PCDH15: variants seen among roughly 807,000 people sequenced by gnomAD.
PCDH15 encodes the protein protocadherin-15.
A neutral mutation model predicts 178.5 loss-of-function variants in PCDH15; 129 were observed. The ratio of observed to expected loss-of-function variants is 0.72; its 90% CI spans 0.63 to 0.84. PCDH15 has a LOEUF of 0.84. Ranked by LOEUF, PCDH15 falls within the 40% of genes least tolerant of loss-of-function variation. The pLI is 0.00. For missense variants in PCDH15, 2,230 were observed against 2,099.9 expected, an observed-to-expected ratio of 1.06 and a Z score of -1.21; for synonymous variants, 800 against 732.0, an observed-to-expected ratio of 1.09 and a Z score of -1.50.
At chr10:55,423,483 A>C (rs2132048222) in intron 2 of PCDH15, among the ~76,000 whole-genome samples, 1 of 152,170 alleles carries the variant, frequency 6.6e-6, no homozygotes, top group East Asian at 1.9e-4. Context: ...AAAACCAAAA[A>C]AACATACATG....
At chr10:55,365,256 A>G (rs941023204) in intron 2 of PCDH15, among the ~76,000 whole-genome samples, 3 of 152,150 alleles carry the variant, frequency 2.0e-5, no homozygotes, top group Middle Eastern at 3.2e-3. Context: ...AGTAGGAACA[A>G]TATGTTTAAC....
At chr10:55,379,892 G>A (rs1837491096) in intron 2 of PCDH15, among the ~76,000 whole-genome samples, 1 of 152,042 alleles carries the variant, frequency 6.6e-6, no homozygotes, top group Admixed American at 6.6e-5. Context: ...TACCAGAGAA[G>A]GCAGTTATTC....
At chr10:54,724,626 A>G (rs900201525) in intron 1 of PCDH15, among the ~76,000 whole-genome samples, 1 of 151,622 alleles carries the variant, frequency 6.6e-6, no homozygotes, top group Non-Finnish European at 1.5e-5. Context: ...GCACCAGAAT[A>G]TATAAAAGTA....
chr10:54,206,405 T>G (rs146867222), intron 10 of PCDH15, among the ~76,000 whole-genome samples: 278 of 152,200 alleles, frequency 1.8e-3, no homozygotes, highest in Non-Finnish European at 2.6e-3. Flanking sequence ...AGATATAAAA[T>G]TCTGATAGTG....
At chr10:53,818,948 A>G (rs1036872197) in intron 33 of PCDH15, among the ~76,000 whole-genome samples, 2 of 152,052 alleles carry the variant, frequency 1.3e-5, no homozygotes, top group East Asian at 3.8e-4. Flanking sequence ...AGCATCTTGT[A>G]TGGTTTATGC....
At chr10:54,217,516 G>A (rs1271032768) in intron 9 of PCDH15, among the ~76,000 whole-genome samples, 1 of 152,038 alleles carries the variant, frequency 6.6e-6, no homozygotes, top group Non-Finnish European at 1.5e-5. Context: ...ATTGAAAGCT[G>A]GATTCTTGGC....
intron 3 of PCDH15, among the ~76,000 whole-genome samples, chr10:54,442,397 A>C: frequency 8.6e-6 from 1 of 116,860 alleles, no homozygotes; most frequent in East Asian, 2.3e-4. Context: ...TTTTAAAAAA[A>C]AAAAAGGCCT....
chr10:54,001,137 A>G (rs1464090467), intron 20 of PCDH15, among the ~76,000 whole-genome samples: 1 of 152,182 alleles, frequency 6.6e-6, no homozygotes, highest in Admixed American at 6.5e-5. Context: ...CCAGACAAAT[A>G]AAAGCTGAGG....
chr10:55,052,511 C>T (rs572267039), intron 2 of PCDH15, among the ~76,000 whole-genome samples: 3 of 81,284 alleles, frequency 3.7e-5, no homozygotes, highest in African/African-American at 1.5e-4. Context: ...ACCAGCCTGG[C>T]AACATGGCGA....
intron 2 of PCDH15, among the ~76,000 whole-genome samples, chr10:55,108,799 A>G (rs988656971): frequency 7.2e-5 from 11 of 152,130 alleles, no homozygotes; most frequent in African/African-American, 2.7e-4. Context: ...TAATTGCTTG[A>G]AAAGAACTTA....
chr10:54,258,447 C>G (rs2057077355), intron 8 of PCDH15, among the ~76,000 whole-genome samples: 1 of 152,140 alleles, frequency 6.6e-6, no homozygotes, highest in South Asian at 2.1e-4. Flanking sequence ...TGAAATGGAT[C>G]AAGTGATTGC....
At chr10:55,481,264 T>C (rs1840175115) in intron 2 of PCDH15, among the ~76,000 whole-genome samples, 1 of 151,588 alleles carries the variant, frequency 6.6e-6, no homozygotes, top group Non-Finnish European at 1.5e-5. Flanking sequence ...TCTATTTTAC[T>C]AATTTTTTTC....
intron 1 of PCDH15, among the ~76,000 whole-genome samples, chr10:54,692,942 A>G (rs1329812892): frequency 6.6e-6 from 1 of 152,152 alleles, no homozygotes; most frequent in African/African-American, 2.4e-5. Context: ...AACAGGATAC[A>G]GGTGCAGAAC....
chr10:54,764,520 T>C (rs1034724531), intron 1 of PCDH15, among the ~76,000 whole-genome samples: 1 of 152,108 alleles, frequency 6.6e-6, no homozygotes, highest in Admixed American at 6.6e-5. Flanking sequence ...CAAATTTTTA[T>C]TGCTGCATAA....
intron 2 of PCDH15, among the ~76,000 whole-genome samples, chr10:55,346,932 G>T (rs1360158631): frequency 6.6e-6 from 1 of 151,918 alleles, no homozygotes; most frequent in African/African-American, 2.4e-5. Flanking sequence ...AGATTAAAGT[G>T]AGTTGGGCGC....
chr10:53,895,159 C>T (rs369129797), intron 26 of PCDH15, among the ~76,000 whole-genome samples: 2 of 152,086 alleles, frequency 1.3e-5, no homozygotes. Flanking sequence ...CCCCCAGGAG[C>T]CCCCAGGAGC....
chr10:54,912,368 T>C (rs1954832565), intron 2 of PCDH15, among the ~76,000 whole-genome samples: 1 of 152,098 alleles, frequency 6.6e-6, no homozygotes, highest in Non-Finnish European at 1.5e-5. Context: ...ATGGAGCAGA[T>C]TTGCCCTTGC....
chr10:54,643,834 A>ATTT (rs1374907146), intron 2 of PCDH15, among the ~76,000 whole-genome samples: 2 of 134,168 alleles, frequency 1.5e-5, no homozygotes, highest in African/African-American at 5.6e-5. Flanking sequence ...TATTATTATT[A>ATTT]TACTTTAAGT....
intron 20 of PCDH15, 57 bp downstream of exon 20, chr10:54,020,135 A>C: frequency 1.4e-6 from 2 of 1,478,734 alleles, no homozygotes; most frequent in Non-Finnish European, 1.9e-6. Flanking sequence ...TAGAAGGAAC[A>C]AAACCTACAT....
Sources: gnomAD v4.1 joint callset for allele counts (sites outside exome capture counted in the v4.1 genomes callset) on GRCh38, gnomAD v4.1.1 for gene constraint, MANE v1.5 for transcripts, NCBI Gene and HGNC (gene_info 2026-07-23, HGNC 2026-07-21) for gene names.